The following ZNF385D variants were observed in gnomAD, a reference collection of about 807,000 sequenced individuals.
ZNF385D encodes the protein zinc finger protein 385D.
Under a neutral mutation model 35.8 loss-of-function variants are expected in ZNF385D, and 15 were observed. That is an observed-to-expected ratio of 0.42 (90% CI 0.28 to 0.64). The LOEUF (loss-of-function observed/expected upper bound fraction) is 0.64. ZNF385D is among the 30% of genes least tolerant of loss of function. The probability of loss-of-function intolerance (pLI) is 0.23; values close to 1 mark genes in which losing one functional copy is unlikely to be tolerated. For missense variants in ZNF385D, 474 were observed against 494.6 expected (o/e 0.96, Z 0.39); for synonymous variants, 212 against 186.8 (o/e 1.13, Z -1.10).
intron 1 of ZNF385D, among the ~76,000 whole-genome samples, chr3:21,714,620 C>G (rs2125425796): frequency 6.6e-6 from 1 of 152,292 alleles, no homozygotes; most frequent in South Asian, 2.1e-4. Context: ...AGTTTTTCCT[C>G]CTTACTGTGT....
At chr3:21,463,074 T>TACAG (rs1301219469) in intron 4 of ZNF385D, among the ~76,000 whole-genome samples, 5 of 152,092 alleles carry the variant, frequency 3.3e-5, no homozygotes, top group Admixed American at 6.5e-5. Context: ...ACAAAAGAAA[T>TACAG]ACAGACTTAA....
intron 3 of ZNF385D, among the ~76,000 whole-genome samples, chr3:21,556,887 C>T (rs1575171013): frequency 6.6e-6 from 1 of 152,322 alleles, no homozygotes; most frequent in Non-Finnish European, 1.5e-5. Context: ...AGGTCCTTCA[C>T]ATCCCATGTA....
intron 3 of ZNF385D, among the ~76,000 whole-genome samples, chr3:22,024,848 C>A (rs191834430): frequency 2.5e-4 from 38 of 152,278 alleles, no homozygotes; most frequent in Non-Finnish European, 1.5e-5. Flanking sequence ...CTCAGGGATT[C>A]TGTCTCCCAG....
intron 5 of ZNF385D, among the ~76,000 whole-genome samples, chr3:21,433,185 C>G (rs1461627402): frequency 6.6e-6 from 1 of 152,122 alleles, no homozygotes; most frequent in Non-Finnish European, 1.5e-5. Flanking sequence ...TCCTATATCA[C>G]TGATAGCATT....
chr3:21,472,582 C>T (rs1703972350), intron 4 of ZNF385D, among the ~76,000 whole-genome samples: 2 of 152,166 alleles, frequency 1.3e-5, no homozygotes, highest in African/African-American at 4.8e-5. Flanking sequence ...AAAGCTGCTT[C>T]CACCTGCAGC....
intron 3 of ZNF385D, among the ~76,000 whole-genome samples, chr3:22,031,957 A>C (rs1351475803): frequency 3.3e-5 from 5 of 152,166 alleles, no homozygotes; most frequent in Non-Finnish European, 7.3e-5. Flanking sequence ...AGATACCCTA[A>C]GTCATTTCTC....
intron 3 of ZNF385D, among the ~76,000 whole-genome samples, chr3:21,888,689 T>A (rs1238456949): frequency 6.6e-6 from 1 of 152,012 alleles, no homozygotes; most frequent in South Asian, 2.1e-4. Context: ...AAGTAGAGGG[T>A]AGAGGAGGAA....
intron 2 of ZNF385D, among the ~76,000 whole-genome samples, chr3:22,311,253 C>G (rs1020636432): frequency 3.3e-5 from 5 of 151,892 alleles, no homozygotes; most frequent in African/African-American, 1.2e-4. Context: ...ATATTAAACA[C>G]TTTAATTCAA....
At chr3:21,706,535 T>G (rs930369726) in intron 1 of ZNF385D, among the ~76,000 whole-genome samples, 1 of 152,178 alleles carries the variant, frequency 6.6e-6, no homozygotes, top group Admixed American at 6.5e-5. Flanking sequence ...GCTGGCCCCT[T>G]AACTAGAGGC....
At chr3:21,553,044 G>C (rs1007282164) in intron 3 of ZNF385D, among the ~76,000 whole-genome samples, 5 of 152,120 alleles carry the variant, frequency 3.3e-5, no homozygotes, top group African/African-American at 9.7e-5. Context: ...GGCCCTTGCT[G>C]TTTTTGAAGA....
chr3:22,046,497 T>C (rs2125517541), intron 3 of ZNF385D, among the ~76,000 whole-genome samples: 1 of 152,316 alleles, frequency 6.6e-6, no homozygotes, highest in South Asian at 2.1e-4. Context: ...GACATTTTTT[T>C]CCCATGTGTG....
chr3:21,829,429 T>C (rs1024621526), intron 3 of ZNF385D, among the ~76,000 whole-genome samples: 2 of 152,018 alleles, frequency 1.3e-5, no homozygotes, highest in East Asian at 1.9e-4. Context: ...AAAAGGCCAT[T>C]GTAGTAGTGG....
At chr3:22,124,951 G>A (rs984956590) in intron 3 of ZNF385D, among the ~76,000 whole-genome samples, 2 of 152,026 alleles carry the variant, frequency 1.3e-5, no homozygotes, top group African/African-American at 4.8e-5. Context: ...TTTTGGTTTG[G>A]TTGCCTGTGC....
intron 3 of ZNF385D, among the ~76,000 whole-genome samples, chr3:22,063,333 A>T (rs1699780799): frequency 6.6e-6 from 1 of 152,194 alleles, no homozygotes; most frequent in Non-Finnish European, 1.5e-5. Context: ...ACCAACAAAC[A>T]TACATCATTT....
intron 3 of ZNF385D, among the ~76,000 whole-genome samples, chr3:21,526,193 T>G (rs894738183): frequency 6.6e-6 from 1 of 152,162 alleles, no homozygotes; most frequent in Non-Finnish European, 1.5e-5. Context: ...ATGAAGTTTG[T>G]AAAAGTATTC....
chr3:22,369,868 T>A (rs1478161631), intron 2 of ZNF385D, among the ~76,000 whole-genome samples: 2 of 152,188 alleles, frequency 1.3e-5, no homozygotes, highest in African/African-American at 4.8e-5. Flanking sequence ...GTACTGAATT[T>A]ATGAAGTTGG....
At chr3:21,800,392 T>G (rs1374927229) in intron 3 of ZNF385D, among the ~76,000 whole-genome samples, 1 of 152,198 alleles carries the variant, frequency 6.6e-6, no homozygotes, top group African/African-American at 2.4e-5. Flanking sequence ...GAATTTCCTT[T>G]CATTTACTTA....
chr3:21,506,234 T>C (rs1383493277), intron 4 of ZNF385D, among the ~76,000 whole-genome samples: 1 of 146,458 alleles, frequency 6.8e-6, no homozygotes, highest in Non-Finnish European at 1.5e-5. Context: ...TAAAAAGCTC[T>C]AAGAGCCTTT....
chr3:21,991,840 T>A (rs1427263726), intron 3 of ZNF385D, among the ~76,000 whole-genome samples: 1 of 152,172 alleles, frequency 6.6e-6, no homozygotes, highest in Non-Finnish European at 1.5e-5. Context: ...TGGTAAGAAG[T>A]AGAATTTCAG....
Sources: gnomAD v4.1 joint callset for allele counts (sites outside exome capture counted in the v4.1 genomes callset) on GRCh38, gnomAD v4.1.1 for gene constraint, MANE v1.5 for transcripts, NCBI Gene and HGNC (gene_info 2026-07-23, HGNC 2026-07-21) for gene names.